The following ACE variants were observed in gnomAD, a reference collection of about 807,000 sequenced individuals.
ACE encodes angiotensin-converting enzyme.
In ACE, 122 loss-of-function variants were observed where a neutral mutation model predicts 162.3. The ratio of observed to expected loss-of-function variants is 0.75; its 90% confidence interval spans 0.65 to 0.87. The LOEUF (loss-of-function observed/expected upper bound fraction) is 0.87, where lower values mean the gene tolerates loss of function less well. Ranked by LOEUF, ACE falls within the 40% of genes least tolerant of loss-of-function variation. The probability of loss-of-function intolerance (pLI) is 0.00; values close to 1 mark genes in which losing one functional copy is unlikely to be tolerated. For missense variants in ACE, 1,799 were observed against 1,735.1 expected (o/e 1.04, Z -0.65); for synonymous variants, 796 against 720.6 (o/e 1.10, Z -1.68).
intron 3 of ACE, 27 bp downstream of exon 3, chr17:63,479,127 G>A (rs754885621): frequency 1.3e-6 from 2 of 1,573,086 alleles, no homozygotes; most frequent in Non-Finnish European, 1.7e-6. Flanking sequence ...TCCCCTCTCG[G>A]CGGTGCCCTA....
Position 63,497,898 on chromosome 17 carries a change from G to A in ACE, c.*532G>A. 1 of 218,678 alleles carries A rather than the reference G, an allele frequency of 4.6e-6. No homozygotes were observed. Among genetic ancestry groups the A allele is most frequent in the Non-Finnish European group, 9.3e-6 (1 of 107,850 alleles). The allele number at this position is 218,678 out of a possible 1,614,324, so 13.5% of individuals were successfully genotyped here. On this transcript the variant is annotated 3_prime_UTR_variant, in exon 25 of 25. Transcript: ENST00000290866. ...GGGAAGCAGACATCCTGGGCTGCTG[G>A]CCTCACATTTCCACTGGCAGTGGAG...
rs768233162 is a variant in ACE, at chr17:63,494,487, G to C, written c.3380+17G>C. 1.2e-6 allele frequency: 2 copies of C among 1,604,564 alleles called. No individual in the cohort carries two copies. The highest frequency in any genetic ancestry group is 3.3e-5 in the Admixed American group (2 of 59,754). On this transcript the variant is annotated intron_variant, in intron 22 of 24. Coordinates refer to ENST00000290866, the MANE Select transcript of ACE (RefSeq NM_000789.4). ...TTACATCAGGTAACGGGAAAGGCAGGAGGGCACATTGTGAGGGGCAGTACC... is the reference window on the plus strand; with the variant it reads ...TTACATCAGGTAACGGGAAAGGCAGCAGGGCACATTGTGAGGGGCAGTACC...
At chr17:63,477,619 C>G in intron 1 of ACE, 1 of 405,096 alleles carries the variant, frequency 2.5e-6, no homozygotes, top group Non-Finnish European at 4.4e-6. Context: ...CCCCCGCGCT[C>G]TCGGGCAGCT....
At position 63,488,954 on chromosome 17, in the gene ACE, AG is replaced by A; in HGVS notation, c.2467del (p.Asp823ThrfsTer89). ...AARLNGYVDAGDSWRSMYETP... is the reference protein window; with the variant it reads ...AARLNGYVDAXDSWRSMYETP... ...TCCCCTCTGTAGGCTATGTAGATGCAGGGGACTCGTGGAGGTCTATGTACGA... is the reference window on the plus strand; with the variant it reads ...TCCCCTCTGTAGGCTATGTAGATGCAGGGACTCGTGGAGGTCTATGTACGA... On this transcript the variant is annotated frameshift_variant, in exon 17 of 25. Coordinates refer to ENST00000290866, the MANE Select transcript of ACE (RefSeq NM_000789.4). LOFTEE classifies it high-confidence loss of function. The A allele has an allele frequency of 6.2e-7, 1 of 1,614,116 alleles. No homozygotes were observed. Among genetic ancestry groups the A allele is most frequent in the Non-Finnish European group, 8.5e-7 (1 of 1,180,030 alleles).
chr17:63,485,785 A>AC (rs1411127068), intron 13 of ACE: 2 of 237,960 alleles, frequency 8.4e-6, no homozygotes, highest in Non-Finnish European at 8.3e-6. Context: ...AAAAAAAAAA[A>AC]AAAAAAACTC....
rs1381345053 is a variant in ACE, at chr17:63,486,889, T to C, written c.2218-97T>C. ...GGGCAGCGCTCCCCAGCTCCCTGGC[T>C]CCCCACCTGCCAGCCCATGGGGCCT... On this transcript the variant is annotated intron_variant, in intron 14 of 24. Coordinates refer to ENST00000290866, the MANE Select transcript of ACE (RefSeq NM_000789.4). 2.7e-6 allele frequency: 4 copies of C among 1,470,416 alleles called. No individual in the cohort carries two copies. The East Asian group carries it at 9.1e-5, about 33-fold the overall frequency. 91.1% of individuals were successfully genotyped at this position (1,470,416 alleles called of 1,614,324 possible).
At chr17:63,493,873 C>T in intron 20 of ACE, 49 bp from the exon 21 acceptor site, 1 of 1,612,980 alleles carries the variant, frequency 6.2e-7, no homozygotes, top group Non-Finnish European at 8.5e-7. Context: ...ACACCAGGGC[C>T]AAGCCGCTAG....
rs775205401 is a variant in ACE, at chr17:63,485,351, C to T, written c.2037C>T (p.Thr679=). The change falls in exon 13 of 25, where the codon ACC becomes ACT. Residue 679 remains threonine (T), a synonymous_variant. Coordinates refer to ENST00000290866, the MANE Select transcript of ACE (RefSeq NM_000789.4). The stretch of plus-strand genomic sequence containing the variant: ...ACTGGAACTACAACACCAACATCAC[C>T]ACAGAGACCAGCAAGATTCTGGTGG... ...EANWNYNTNI[T]TETSKILLQK... is the part of the protein sequence containing the mutation. The T allele has an allele frequency of 1.1e-5, 17 of 1,613,928 alleles. No homozygotes were observed. The African/African-American group carries it at 1.7e-4, about 16-fold the overall frequency.
In ACE at chr17:63,484,413, C is replaced by G. The variant is rs759009903; in HGVS notation, c.1793C>G (p.Pro598Arg). 22 of 1,612,202 alleles carry G rather than the reference C, an allele frequency of 1.4e-5. No individual in the cohort carries two copies. The highest frequency in any genetic ancestry group is 1.8e-5 in the Non-Finnish European group (21 of 1,179,912). Residue 598 changes from proline to arginine, a missense_variant, in exon 12 of 25, where the codon CCG (proline) becomes CGG (arginine). By Grantham distance (103) the Pro-to-Arg change is moderately radical (BLOSUM62 -2). Coordinates refer to ENST00000290866, the MANE Select transcript of ACE (RefSeq NM_000789.4). The surrounding 1 kb of genome is among the most constrained non-coding windows in gnomAD (Gnocchi z 4.0). ...MVGLDALDAQ[P>R]LLKYFQPVTQ... ...GGCTTAGATGCCCTGGATGCCCAGC[C>G]GCTGCTCAAGTACTTCCAGCCAGTC...
rs777523880 is a variant in ACE at position 63,477,249 on chromosome 17, G to A, written c.155G>A (p.Ser52Asn). The change falls in exon 1 of 25, where the codon AGC becomes AAC. Residue 52 changes from serine (S) to asparagine (N), a missense_variant. By Grantham distance (46) the Ser-to-Asn change is conservative. Transcript: ENST00000290866. ...DEAGAQLFAQ[S>N]YNSSAEQVLF... The stretch of plus-strand genomic sequence containing the variant: ...GCCGGGGCGCAGCTCTTCGCGCAGA[G>A]CTACAACTCCAGCGCCGAACAGGTG... 1.3e-6 allele frequency: 2 copies of A among 1,504,398 alleles called. No homozygotes were observed. Among genetic ancestry groups the A allele is most frequent in the Admixed American group, 2.0e-5 (1 of 49,610 alleles). 93.2% of individuals were successfully genotyped at this position (1,504,398 alleles called of 1,614,324 possible). A position where few individuals can be genotyped will look rare whatever the true frequency, so the allele number is the denominator to read the frequency against.
intron 23 of ACE, 69 bp from the exon 24 acceptor site, chr17:63,496,728 GT>G (rs1376657462): frequency 1.2e-6 from 2 of 1,600,836 alleles, no homozygotes; most frequent in Non-Finnish European, 1.7e-6. Flanking sequence ...GGTATGGAGA[GT>G]GGATGTCAGG....
intron 22 of ACE, chr17:63,496,126 C>G: frequency 2.0e-6 from 1 of 509,142 alleles, no homozygotes; most frequent in South Asian, 2.0e-5. Flanking sequence ...TGCCCTGACC[C>G]CATGGAGCAG....
chr17:63,477,604 T>C, intron 1 of ACE: 1 of 393,442 alleles, frequency 2.5e-6, no homozygotes, highest in Non-Finnish European at 4.5e-6. Context: ...GGCTTGGCTC[T>C]GGGGCCCCCG....
At chr17:63,483,246 G>A (rs2049743392) in intron 9 of ACE, 73 bp downstream of exon 9, 1 of 1,609,800 alleles carries the variant, frequency 6.2e-7, no homozygotes, top group Non-Finnish European at 8.5e-7. Flanking sequence ...GGCGCCTCCT[G>A]CCCCAGCCAG....
rs1346763143 is a variant in ACE at position 63,489,166 on chromosome 17, A to G, written c.2641+34A>G. 5 of 1,598,880 alleles carry G rather than the reference A, an allele frequency of 3.1e-6. No homozygotes were observed. In the South Asian group the frequency reaches 5.5e-5, roughly 18 times the overall value. ...ACATGTCGGGCCTTGAGGAGGGTAA[A>G]GACGGACCACAGTGTGAGTGAGGGT... is the stretch of plus-strand genomic sequence containing the variant. On this transcript the variant is annotated intron_variant, in intron 17 of 24. Transcript: ENST00000290866.
In ACE at chr17:63,481,330, C is replaced by T. The variant is rs558680311; in HGVS notation, c.945+142C>T. ...GTCTGTAGGAGCAGTGAGCTGGGGT[C>T]GGCCCCCTCAGTGAGGTGCCAGCTC... On this transcript the variant is annotated intron_variant, in intron 6 of 24. Coordinates refer to ENST00000290866, the MANE Select transcript of ACE (RefSeq NM_000789.4). 4.0e-4 allele frequency: 375 copies of T among 926,432 alleles called. 5 individuals are homozygous for T. Among genetic ancestry groups the T allele is most frequent in the South Asian group, 2.8e-3 (192 of 68,202 alleles). The allele number at this position is 926,432 out of a possible 1,614,324, so 57.4% of individuals were successfully genotyped here.
chr17:63,490,512 C>T, intron 17 of ACE: 2 of 242,166 alleles, frequency 8.3e-6, no homozygotes, highest in Non-Finnish European at 1.6e-5. Flanking sequence ...CTTAACTCTC[C>T]AGCCTGTTTC....
At chr17:63,492,945 A>G (rs541974286) in intron 19 of ACE, among the ~76,000 whole-genome samples, 125 of 152,344 alleles carry the variant, frequency 8.2e-4, no homozygotes, top group Non-Finnish European at 5.9e-4. Flanking sequence ...GCTGCCATTC[A>G]TCCTGGCCAT....
intron 22 of ACE, 61 bp downstream of exon 22, chr17:63,494,531 C>T: frequency 7.0e-7 from 1 of 1,430,604 alleles, no homozygotes; most frequent in Non-Finnish European, 9.8e-7. Context: ...TGTGTTTCAA[C>T]TGCGGCCACT....
Sources: allele counts gnomAD v4.1 joint callset (sites outside exome capture counted in the v4.1 genomes callset), GRCh38; gene constraint gnomAD v4.1.1; non-coding constraint Gnocchi (gnomAD v3.1); transcripts MANE v1.5; gene names NCBI Gene and HGNC (gene_info 2026-07-23, HGNC 2026-07-21).